LRRC37A: variants seen among roughly 807,000 people sequenced by gnomAD.
LRRC37A encodes leucine rich repeat containing 37A.
A neutral mutation model predicts 35.4 loss-of-function variants in LRRC37A; 3 were observed. That is an observed-to-expected ratio of 0.08 (90% confidence interval 0.04 to 0.22). LRRC37A has a LOEUF of 0.22. Among genes scored for constraint, LRRC37A ranks in the 10% least tolerant of loss-of-function variants. The pLI is 1.00. For missense variants in LRRC37A, 67 were observed against 565.3 expected, an observed-to-expected ratio of 0.12 and a Z score of 8.94; for synonymous variants, 23 against 215.0, an observed-to-expected ratio of 0.11 and a Z score of 7.81.
rs889037446 is a variant in LRRC37A, at chr17:46,335,286, A to AT, written c.4810-257dup. Among the ~76,000 whole-genome samples, 5 of 36,820 alleles carry AT rather than the reference A, an allele frequency of 1.4e-4. 2 individuals carry two copies. Among genetic ancestry groups the AT allele is most frequent in the African/African-American group, 2.0e-4 (5 of 24,922 alleles). The allele number at this position is 36,820 out of a possible 152,430, so 24.2% of individuals were successfully genotyped here. On this transcript the variant is annotated intron_variant, in intron 10 of 13. Coordinates refer to ENST00000320254, the Ensembl canonical transcript of LRRC37A. The stretch of plus-strand genomic sequence containing the variant: ...GTTGGTTATAAGCAAATATTACACC[A>AT]TTATATGTAAGGGATTGAGCATCCA...
the LRRC37A span, among the ~76,000 whole-genome samples, chr17:46,254,594 T>G: frequency 1.3e-5 from 2 of 150,668 alleles, no homozygotes; most frequent in Non-Finnish European, 3.0e-5. Flanking sequence ...CAGGCTAGAG[T>G]GCAGTGGCGC....
chr17:46,266,663 T>G, the LRRC37A span, among the ~76,000 whole-genome samples: 3 of 152,142 alleles, frequency 2.0e-5, no homozygotes, highest in Admixed American at 1.3e-4. Context: ...TGTTTAATCG[T>G]CGGATCATCC....
the LRRC37A span, among the ~76,000 whole-genome samples, chr17:46,263,021 T>C: frequency 6.6e-6 from 1 of 152,302 alleles, no homozygotes; most frequent in East Asian, 1.9e-4. Flanking sequence ...GAGACCAGCC[T>C]GGCCAACATG....
At chr17:46,283,466 A>C in the LRRC37A span, among the ~76,000 whole-genome samples, 1 of 152,244 alleles carries the variant, frequency 6.6e-6, no homozygotes, top group Non-Finnish European at 1.5e-5. Context: ...CAGTTGAGTC[A>C]CTACATCAAT....
the LRRC37A span, among the ~76,000 whole-genome samples, chr17:46,271,753 A>C: frequency 2.6e-5 from 4 of 152,230 alleles, no homozygotes; most frequent in African/African-American, 9.6e-5. Flanking sequence ...ACTTCAGAAA[A>C]TATCTCCAAA....
the LRRC37A span, chr17:46,268,361 C>A: frequency 1.5e-6 from 1 of 688,574 alleles, no homozygotes. Context: ...ACTGTTTCCA[C>A]CTTGCCTGTA....
the LRRC37A span, among the ~76,000 whole-genome samples, chr17:46,275,808 C>T: frequency 1.3e-5 from 2 of 151,956 alleles, no homozygotes; most frequent in Admixed American, 1.3e-4. Flanking sequence ...AAAAATTATG[C>T]TAAAACAAAA....
the LRRC37A span, among the ~76,000 whole-genome samples, chr17:46,263,550 CAAAAA>C: frequency 3.1e-5 from 2 of 63,628 alleles, no homozygotes; most frequent in South Asian, 1.0e-3. Context: ...GACTCTGTCT[CAAAAA>C]AAAAAAAAAA....
the LRRC37A span, among the ~76,000 whole-genome samples, chr17:46,271,489 G>C: frequency 1.3e-5 from 2 of 151,826 alleles, no homozygotes; most frequent in Non-Finnish European, 2.9e-5. Context: ...GCCGTATCAT[G>C]ATAGTTTCAA....
the LRRC37A span, among the ~76,000 whole-genome samples, chr17:46,254,797 C>G: frequency 6.6e-6 from 1 of 151,024 alleles, no homozygotes; most frequent in Non-Finnish European, 1.5e-5. Context: ...CTCAGCCTCC[C>G]AAAGCACTGG....
chr17:46,254,045 C>T, the LRRC37A span, among the ~76,000 whole-genome samples: 16,223 of 148,084 alleles, frequency 0.11, no homozygotes, highest in Non-Finnish European at 0.17. Flanking sequence ...CCCTGAGAGG[C>T]CATCCTTTTT....
At chr17:46,267,475 G>A in the LRRC37A span, 2 of 1,612,726 alleles carry the variant, frequency 1.2e-6, no homozygotes, top group South Asian at 1.1e-5. Flanking sequence ...TGTTAGTCCT[G>A]GACTCCTCCA....
chr17:46,268,812 C>A, the LRRC37A span: 2 of 732,946 alleles, frequency 2.7e-6, no homozygotes, highest in South Asian at 3.1e-5. Flanking sequence ...TATGAATGAC[C>A]TGCATAGTTA....
chr17:46,267,178 C>T, the LRRC37A span: 1 of 578,876 alleles, frequency 1.7e-6, no homozygotes. Context: ...GCGCCGCCGC[C>T]CCGCGAGCCT....
the LRRC37A span, among the ~76,000 whole-genome samples, chr17:46,273,066 C>T: frequency 6.6e-6 from 1 of 152,188 alleles, no homozygotes; most frequent in Non-Finnish European, 1.5e-5. Flanking sequence ...TTGTTGAAAA[C>T]ATAGCAATCT....
At chr17:46,259,481 T>G in the LRRC37A span, 5 of 1,442,948 alleles carry the variant, frequency 3.5e-6, 1 homozygote, top group South Asian at 5.7e-5. Context: ...CCACCCAGGT[T>G]TGCTGGGTTG....
upstream of LRRC37A, among the ~76,000 whole-genome samples, chr17:46,291,434 C>T (rs2050063286): frequency 6.6e-6 from 1 of 151,980 alleles, no homozygotes; most frequent in African/African-American, 2.4e-5. Context: ...GGTGGCTGAA[C>T]ACTAACAGTA....
the LRRC37A span, among the ~76,000 whole-genome samples, chr17:46,276,864 C>T: frequency 6.8e-6 from 1 of 147,572 alleles, no homozygotes; most frequent in Admixed American, 6.9e-5. Flanking sequence ...AGTGCAGTGG[C>T]ACAATCATGG....
At chr17:46,267,324 G>C in the LRRC37A span, 1 of 1,447,492 alleles carries the variant, frequency 6.9e-7, no homozygotes, top group Non-Finnish European at 9.3e-7. Context: ...TGGAAGCAGC[G>C]ATGAACGGGA....
Sources: gnomAD v4.1 joint callset for allele counts (sites outside exome capture counted in the v4.1 genomes callset) on GRCh38, gnomAD v4.1.1 for gene constraint, MANE v1.5 for transcripts, NCBI Gene and HGNC (gene_info 2026-07-23, HGNC 2026-07-21) for gene names.